GABRB3: variants seen among roughly 807,000 people sequenced by gnomAD.
GABRB3 encodes gamma-aminobutyric acid receptor subunit beta-3.
In GABRB3, 14 loss-of-function variants were observed where a neutral mutation model predicts 52.1. The observed-to-expected ratio is 0.27, with a 90% confidence interval of 0.18 to 0.42. GABRB3 has a LOEUF of 0.42. GABRB3 is among the 10% of genes least tolerant of loss of function. The pLI is 1.00. For synonymous variants in GABRB3, 260 were observed against 232.3 expected, an observed-to-expected ratio of 1.12 and a Z score of -1.08; for missense variants, 307 against 609.1, an observed-to-expected ratio of 0.50 and a Z score of 5.22.
intron 3 of GABRB3, among the ~76,000 whole-genome samples, chr15:26,684,709 A>C (rs1002982675): frequency 2.0e-5 from 3 of 152,056 alleles, no homozygotes; most frequent in Non-Finnish European, 4.4e-5. Context: ...CAAAAACAGG[A>C]GAGAGAGAAA....
chr15:26,744,204 A>G (rs1890278537), intron 3 of GABRB3, among the ~76,000 whole-genome samples: 1 of 152,182 alleles, frequency 6.6e-6, no homozygotes, highest in African/African-American at 2.4e-5. Context: ...GGTTCAGGAC[A>G]CAGCGGTTGA....
chr15:26,625,707 G>A (rs1022609976), intron 3 of GABRB3, among the ~76,000 whole-genome samples: 4 of 152,132 alleles, frequency 2.6e-5, no homozygotes, highest in Non-Finnish European at 5.9e-5. Flanking sequence ...AGAAATGACT[G>A]GGAAGGGTGG....
At chr15:26,759,235 T>TA (rs543559764) in intron 3 of GABRB3, among the ~76,000 whole-genome samples, 4,321 of 151,092 alleles carry the variant, frequency 0.029, 211 homozygotes, top group African/African-American at 0.1. Flanking sequence ...AGACTAGGAA[T>TA]AAAAAAAAAT....
chr15:26,693,911 C>T (rs1888659628), intron 3 of GABRB3, among the ~76,000 whole-genome samples: 1 of 152,096 alleles, frequency 6.6e-6, no homozygotes, highest in African/African-American at 2.4e-5. Flanking sequence ...CAGATGAAGA[C>T]TACAGAAAAA....
chr15:26,732,623 A>T (rs2140152111), intron 3 of GABRB3, among the ~76,000 whole-genome samples: 1 of 150,538 alleles, frequency 6.6e-6, no homozygotes, highest in East Asian at 2.0e-4. Context: ...GCTGGAGTGC[A>T]GTGGCACTAT....
chr15:26,611,251 TTTGTG>T (rs1260171549), intron 4 of GABRB3, among the ~76,000 whole-genome samples: 5 of 152,064 alleles, frequency 3.3e-5, no homozygotes, highest in African/African-American at 1.2e-4. Flanking sequence ...AGGTGAACTT[TTTGTG>T]TAATTTAAAA....
At chr15:26,758,123 C>T (rs559002483) in intron 3 of GABRB3, among the ~76,000 whole-genome samples, 1 of 149,252 alleles carries the variant, frequency 6.7e-6, no homozygotes, top group African/African-American at 2.5e-5. Context: ...AACCTAGAAA[C>T]ATTCACGCTT....
At chr15:26,587,333 GAA>G (rs1477697140) in intron 4 of GABRB3, among the ~76,000 whole-genome samples, 1 of 152,202 alleles carries the variant, frequency 6.6e-6, no homozygotes, top group Non-Finnish European at 1.5e-5. Flanking sequence ...CTCTCAGAGT[GAA>G]GAGTGAGGCA....
chr15:26,557,334 T>C (rs73366463), intron 8 of GABRB3, among the ~76,000 whole-genome samples: 7,658 of 152,192 alleles, frequency 0.05, 638 homozygotes, highest in African/African-American at 0.18. Context: ...ACTATGCTCA[T>C]TACCTGGGTG....
chr15:26,548,585 A>G (rs1889346105), intron 8 of GABRB3, among the ~76,000 whole-genome samples: 1 of 152,204 alleles, frequency 6.6e-6, no homozygotes, highest in African/African-American at 2.4e-5. Flanking sequence ...ACAGAGAAAC[A>G]CATGAATAGT....
chr15:26,719,816 A>G (rs1889595645), intron 3 of GABRB3, among the ~76,000 whole-genome samples: 1 of 152,178 alleles, frequency 6.6e-6, no homozygotes, highest in African/African-American at 2.4e-5. Context: ...AAATTCACCC[A>G]ATAACTGATA....
chr15:26,594,534 T>C (rs1056121987), intron 4 of GABRB3, among the ~76,000 whole-genome samples: 3 of 152,194 alleles, frequency 2.0e-5, no homozygotes, highest in Non-Finnish European at 2.9e-5. Flanking sequence ...TCCCACTCTA[T>C]TGCCTAGGCT....
At chr15:26,773,105 G>A (rs1221416406), upstream of GABRB3, 16 of 802,302 alleles carry the variant, frequency 2.0e-5, no homozygotes, top group Non-Finnish European at 2.3e-5. Flanking sequence ...AGGGGAGGAG[G>A]GGGAGGAGCG....
chr15:26,768,684 A>C (rs1192015418), intron 3 of GABRB3, among the ~76,000 whole-genome samples: 1 of 152,174 alleles, frequency 6.6e-6, no homozygotes, highest in Non-Finnish European at 1.5e-5. Context: ...AAATCTCAAT[A>C]ATTATCTAGC....
intron 3 of GABRB3, among the ~76,000 whole-genome samples, chr15:26,702,288 A>C (rs1369432066): frequency 6.6e-6 from 1 of 152,224 alleles, no homozygotes; most frequent in Non-Finnish European, 1.5e-5. Context: ...AGAGGATGAA[A>C]ACACAGACTG....
intron 8 of GABRB3, among the ~76,000 whole-genome samples, chr15:26,549,818 C>G (rs1889391344): frequency 6.6e-6 from 1 of 152,116 alleles, no homozygotes. Flanking sequence ...CGCCTCATTA[C>G]CCTCTGCCTA....
chr15:26,676,609 C>T (rs1454343565), intron 3 of GABRB3, among the ~76,000 whole-genome samples: 1 of 152,286 alleles, frequency 6.6e-6, no homozygotes, highest in African/African-American at 2.4e-5. Context: ...AAGAAAAGAA[C>T]TTAGTGAGCT....
chr15:26,616,837 C>G (rs1215968875), intron 4 of GABRB3, among the ~76,000 whole-genome samples: 1 of 152,064 alleles, frequency 6.6e-6, no homozygotes, highest in Non-Finnish European at 1.5e-5. Flanking sequence ...CATTTTCAAA[C>G]AGTTGTGGAA....
At chr15:26,729,933 T>C (rs1889865321) in intron 3 of GABRB3, among the ~76,000 whole-genome samples, 1 of 152,168 alleles carries the variant, frequency 6.6e-6, no homozygotes, top group Non-Finnish European at 1.5e-5. Context: ...TTCTATTCCC[T>C]GATGTAACCT....
Sources: gnomAD v4.1 joint callset for allele counts (sites outside exome capture counted in the v4.1 genomes callset) on GRCh38, gnomAD v4.1.1 for gene constraint, MANE v1.5 for transcripts, NCBI Gene and HGNC (gene_info 2026-07-23, HGNC 2026-07-21) for gene names.